The following GPC6 variants were observed in gnomAD, a reference collection of about 807,000 sequenced individuals.
The protein encoded by GPC6 is glypican-6.
Under a neutral mutation model 55.2 loss-of-function variants are expected in GPC6, and 14 were observed. The ratio of observed to expected loss-of-function variants is 0.25; its 90% CI spans 0.17 to 0.40. GPC6 has a LOEUF of 0.40. Ranked by LOEUF, GPC6 falls within the 10% of genes least tolerant of loss-of-function variation. GPC6 has a pLI of 1.00. For missense variants in GPC6, 641 were observed against 708.5 expected (o/e 0.90, Z 1.08); for synonymous variants, 278 against 259.6 (o/e 1.07, Z -0.68).
At chr13:94,105,675 A>G (rs995242628) in intron 4 of GPC6, among the ~76,000 whole-genome samples, 3 of 152,204 alleles carry the variant, frequency 2.0e-5, no homozygotes, top group Non-Finnish European at 4.4e-5. Context: ...CGTGGTTGGA[A>G]GAAGAAAAGA....
intron 4 of GPC6, among the ~76,000 whole-genome samples, chr13:94,266,036 T>C (rs898256240): frequency 6.6e-6 from 1 of 152,220 alleles, no homozygotes; most frequent in African/African-American, 2.4e-5. Flanking sequence ...ATGTTTCCGC[T>C]AGGTGTCTAA....
chr13:94,123,524 T>A (rs921323812), intron 4 of GPC6, among the ~76,000 whole-genome samples: 5 of 152,108 alleles, frequency 3.3e-5, no homozygotes, highest in African/African-American at 1.2e-4. Flanking sequence ...GCATCTTATA[T>A]CTCTCTCTAT....
At chr13:94,149,076 A>G (rs1256838047) in intron 4 of GPC6, among the ~76,000 whole-genome samples, 1 of 152,158 alleles carries the variant, frequency 6.6e-6, no homozygotes, top group Non-Finnish European at 1.5e-5. Context: ...TGCAAAACAC[A>G]TTCCCTTTTT....
At chr13:93,676,152 TATATATATATATATATACATAC>T (rs1566481741) in intron 2 of GPC6, among the ~76,000 whole-genome samples, 811 of 17,190 alleles carry the variant, frequency 0.047, 30 homozygotes, top group African/African-American at 0.07. Context: ...TATATATATA[TATATATATATATATATACATAC>T]ACACACACAC....
At position 93,302,216 on chromosome 13, in the gene GPC6, G is replaced by A. The variant is rs190984828; in HGVS notation, c.160+74600G>A. On this transcript the variant is annotated intron_variant, in intron 1 of 8. Coordinates refer to ENST00000377047, the MANE Select transcript of GPC6 (RefSeq NM_005708.5). ...TAAACATTAAATCTTAAAACGTGTG[G>A]GATCTGGTGTGTTTCCTGCCTGAGA... 8.7e-4 allele frequency among the ~76,000 whole-genome samples: 133 copies of A among 152,226 alleles called. 2 individuals are homozygous for A. In the South Asian group the frequency reaches 0.012, roughly 13 times the overall value.
intron 1 of GPC6, among the ~76,000 whole-genome samples, chr13:93,377,365 G>T (rs1445247614): frequency 1.3e-5 from 2 of 152,292 alleles, no homozygotes; most frequent in East Asian, 1.9e-4. Context: ...GTGCAAGAAG[G>T]TTTAGTGCCA....
intron 2 of GPC6, among the ~76,000 whole-genome samples, chr13:93,718,174 A>G (rs1053675774): frequency 6.6e-6 from 1 of 151,950 alleles, no homozygotes; most frequent in African/African-American, 2.4e-5. Flanking sequence ...TAGATCCTTG[A>G]GGAATTGCCA....
intron 2 of GPC6, among the ~76,000 whole-genome samples, chr13:93,752,931 C>G (rs1884646810): frequency 1.3e-5 from 2 of 152,124 alleles, no homozygotes; most frequent in South Asian, 4.1e-4. Flanking sequence ...TGTCAGCACC[C>G]CTGTGAGTGT....
intron 2 of GPC6, among the ~76,000 whole-genome samples, chr13:93,812,178 C>T (rs1594478198): frequency 1.3e-5 from 2 of 149,064 alleles, no homozygotes; most frequent in Non-Finnish European, 3.0e-5. Flanking sequence ...ATCACGAGGT[C>T]GGGAGTTCAA....
At position 93,561,711 on chromosome 13, in the gene GPC6, G is replaced by A. The variant is rs556865402; in HGVS notation, c.319+16290G>A. 2.0e-5 allele frequency among the ~76,000 whole-genome samples: 3 copies of A among 152,140 alleles called. No homozygotes were observed. In the East Asian group the frequency reaches 5.8e-4, roughly 29 times the overall value. On this transcript the variant is annotated intron_variant, in intron 2 of 8. Transcript: ENST00000377047. ...TTTGCATTCCCCCAACCCCCAGTTGGAGATAGTCATATGTGTTTCAATTAA... is the reference window on the plus strand; with the variant it reads ...TTTGCATTCCCCCAACCCCCAGTTGAAGATAGTCATATGTGTTTCAATTAA...
chr13:94,013,569 C>T (rs1288092074), intron 3 of GPC6, among the ~76,000 whole-genome samples: 2 of 152,090 alleles, frequency 1.3e-5, no homozygotes. Context: ...AGGCTGGTCT[C>T]GAATGCCTGA....
intron 4 of GPC6, among the ~76,000 whole-genome samples, chr13:94,206,115 A>G (rs2138982355): frequency 6.6e-6 from 1 of 152,316 alleles, no homozygotes; most frequent in South Asian, 2.1e-4. Flanking sequence ...CACAATCCAA[A>G]TCTTAATCCT....
At chr13:94,314,810 T>A (rs1876437382) in intron 6 of GPC6, among the ~76,000 whole-genome samples, 1 of 152,214 alleles carries the variant, frequency 6.6e-6, no homozygotes, top group Admixed American at 6.5e-5. Flanking sequence ...ATTTGCTGTA[T>A]AATCAATCAG....
chr13:94,354,588 G>A (rs1012693), intron 6 of GPC6, among the ~76,000 whole-genome samples: 37,336 of 152,152 alleles, frequency 0.25, 4,873 homozygotes, highest in Middle Eastern at 0.36. Flanking sequence ...TAAAGGTTCT[G>A]GAAGGTGTGT....
At chr13:94,130,414 C>T (rs537637816) in intron 4 of GPC6, among the ~76,000 whole-genome samples, 65 of 152,084 alleles carry the variant, frequency 4.3e-4, no homozygotes, top group African/African-American at 1.5e-3. Flanking sequence ...AAGAAAAGTA[C>T]AAGAGTAAGT....
rs368679574 is a variant in GPC6, at chr13:93,599,102, C to T, written c.319+53681C>T. ...AACATATAAGGTTAAACTGTGATTT[C>T]GTTTTGATTGTGTTTACAATTATTG... On this transcript the variant is annotated intron_variant, in intron 2 of 8. Coordinates refer to ENST00000377047, the MANE Select transcript of GPC6 (RefSeq NM_005708.5). Among the ~76,000 whole-genome samples the T allele has an allele frequency of 3.9e-5, 6 of 152,016 alleles. No homozygotes were observed. In the East Asian group the frequency reaches 9.6e-4, roughly 24 times the overall value.
intron 2 of GPC6, among the ~76,000 whole-genome samples, chr13:93,744,638 G>A (rs150673955): frequency 0.011 from 1,474 of 138,244 alleles, 22 homozygotes; most frequent in African/African-American, 0.037. Context: ...GTCAAATTTT[G>A]TAACATAAAT....
chr13:93,937,033 A>G (rs1878472257), intron 3 of GPC6, among the ~76,000 whole-genome samples: 1 of 152,232 alleles, frequency 6.6e-6, no homozygotes, highest in Non-Finnish European at 1.5e-5. Context: ...ATAAGGTAGT[A>G]GAGAAAGCAG....
intron 4 of GPC6, among the ~76,000 whole-genome samples, chr13:94,113,793 A>G (rs891197443): frequency 3.3e-5 from 5 of 151,758 alleles, no homozygotes; most frequent in Non-Finnish European, 5.9e-5. Context: ...GCCTGAGGTG[A>G]GAGGATCACT....
Sources: gnomAD v4.1 joint callset for allele counts (sites outside exome capture counted in the v4.1 genomes callset) on GRCh38, gnomAD v4.1.1 for gene constraint, MANE v1.5 for transcripts, NCBI Gene and HGNC (gene_info 2026-07-23, HGNC 2026-07-21) for gene names.